SNX10: variants seen among roughly 807,000 people sequenced by gnomAD.
SNX10 encodes sorting nexin 10, also known as sorting nexin-10.
In SNX10, 25 loss-of-function variants were observed where a neutral mutation model predicts 28.5. That is an observed-to-expected ratio of 0.88 (90% CI 0.64 to 1.22). The LOEUF (loss-of-function observed/expected upper bound fraction) is 1.22, where lower values mean the gene tolerates loss of function less well. Ranked by LOEUF, SNX10 falls within the 50% of genes most tolerant of loss-of-function variation. The probability of loss-of-function intolerance (pLI) is 0.00; values close to 1 mark genes in which losing one functional copy is unlikely to be tolerated. For missense variants in SNX10, 223 were observed against 242.6 expected (o/e 0.92, Z 0.54); for synonymous variants, 62 against 81.4 (o/e 0.76, Z 1.28).
At chr7:26,317,616 A>G (rs1314664746) in intron 1 of SNX10, among the ~76,000 whole-genome samples, 5 of 151,748 alleles carry the variant, frequency 3.3e-5, no homozygotes, top group African/African-American at 4.8e-5. Flanking sequence ...GAAAAATGGA[A>G]GCCTGAATGA....
chr7:26,292,857 T>G (rs899792889), intron 1 of SNX10, among the ~76,000 whole-genome samples: 3 of 152,232 alleles, frequency 2.0e-5, no homozygotes, highest in African/African-American at 7.2e-5. Context: ...CGCTGAGTGT[T>G]GGGACCAGGA....
intron 1 of SNX10, among the ~76,000 whole-genome samples, chr7:26,327,726 CTTTTTTTTTT>C (rs70943293): frequency 3.4e-5 from 3 of 89,120 alleles, no homozygotes; most frequent in African/African-American, 8.6e-5. Context: ...GCATTCTTTT[CTTTTTTTTTT>C]TTTTTTTTTT....
At chr7:26,307,782 T>C (rs1469238884) in intron 1 of SNX10, among the ~76,000 whole-genome samples, 1 of 152,090 alleles carries the variant, frequency 6.6e-6, no homozygotes, top group Non-Finnish European at 1.5e-5. Flanking sequence ...ACCTCTCCCA[T>C]TATCAACATC....
chr7:26,344,671 G>A (rs936401640), intron 1 of SNX10, among the ~76,000 whole-genome samples: 1 of 152,156 alleles, frequency 6.6e-6, no homozygotes, highest in African/African-American at 2.4e-5. Context: ...TGAGCCTGCT[G>A]TGTACTCCAC....
chr7:26,345,324 T>C (rs1358858156), intron 1 of SNX10, among the ~76,000 whole-genome samples: 1 of 152,122 alleles, frequency 6.6e-6, no homozygotes, highest in Non-Finnish European at 1.5e-5. Flanking sequence ...CCAGGCTCTG[T>C]GGGTGTTGTT....
At chr7:26,372,129 T>C in intron 6 of SNX10, 96 bp downstream of exon 6, 1 of 798,044 alleles carries the variant, frequency 1.3e-6, no homozygotes, top group South Asian at 1.8e-5. Context: ...ACTTCACTTT[T>C]TTGTTGATAT....
In SNX10 at chr7:26,326,169, C is replaced by T. The variant is rs571271519; in HGVS notation, c.-23-20251C>T. 5.9e-5 allele frequency among the ~76,000 whole-genome samples: 9 copies of T among 152,144 alleles called. No individual in the cohort carries two copies. The East Asian group carries it at 7.7e-4, about 13-fold the overall frequency. On this transcript the variant is annotated intron_variant, in intron 1 of 6. Coordinates refer to ENST00000338523, the MANE Select transcript of SNX10 (RefSeq NM_013322.3). The stretch of plus-strand genomic sequence containing the variant: ...TTATGCCATTTCGTTAACGAGAAAA[C>T]GTCGAACAAATTAGTTCTTCCCTTG...
intron 1 of SNX10, among the ~76,000 whole-genome samples, chr7:26,303,171 A>G (rs1786444536): frequency 6.6e-6 from 1 of 152,238 alleles, no homozygotes; most frequent in Non-Finnish European, 1.5e-5. Flanking sequence ...TTTCAAGATT[A>G]CAGTATTCTT....
intron 1 of SNX10, among the ~76,000 whole-genome samples, chr7:26,298,394 G>A (rs1416275458): frequency 6.6e-6 from 1 of 152,214 alleles, no homozygotes; most frequent in Non-Finnish European, 1.5e-5. Context: ...AATCAGATAA[G>A]TGTGGATTAA....
At chr7:26,368,324 TATATTC>T (rs1562822692) in intron 5 of SNX10, among the ~76,000 whole-genome samples, 1 of 152,208 alleles carries the variant, frequency 6.6e-6, no homozygotes, top group African/African-American at 2.4e-5. Flanking sequence ...ATTTTTCAAA[TATATTC>T]ATTTTTCTTC....
chr7:26,374,067 T>G lies in SNX10; in HGVS notation c.*1495T>G, dbSNP rs923183044. 1.2e-4 allele frequency: 19 copies of G among 152,066 alleles called. No individual in the cohort carries two copies. Among genetic ancestry groups the G allele is most frequent in the African/African-American group, 4.6e-4 (19 of 41,450 alleles). 9.4% of individuals were successfully genotyped at this position (152,066 alleles called of 1,614,324 possible). A position where few individuals can be genotyped will look rare whatever the true frequency, so the allele number is the denominator to read the frequency against. On this transcript the variant is annotated 3_prime_UTR_variant, in exon 7 of 7. Transcript: ENST00000338523. ...ATTTTAATACAGGAAAAGAAAAGAT[T>G]TAGTAATTTCTTACCATGCTAATAT...
intron 1 of SNX10, among the ~76,000 whole-genome samples, chr7:26,319,924 T>C (rs1167537417): frequency 6.6e-6 from 1 of 151,682 alleles, no homozygotes; most frequent in African/African-American, 2.4e-5. Flanking sequence ...CTTTATTTTA[T>C]ATATCTATAT....
At chr7:26,363,970 A>G (rs936298040) in intron 3 of SNX10, among the ~76,000 whole-genome samples, 1 of 152,170 alleles carries the variant, frequency 6.6e-6, no homozygotes, top group African/African-American at 2.4e-5. Flanking sequence ...CCCACGTACC[A>G]CGGTCATTCT....
intron 5 of SNX10, among the ~76,000 whole-genome samples, chr7:26,371,067 G>A (rs1258307508): frequency 1.3e-5 from 2 of 151,834 alleles, no homozygotes; most frequent in African/African-American, 4.9e-5. Flanking sequence ...AATCTTCCAT[G>A]TAGTTCTGAT....
At chr7:26,320,553 C>G (rs746233150) in intron 1 of SNX10, among the ~76,000 whole-genome samples, 1 of 152,104 alleles carries the variant, frequency 6.6e-6, no homozygotes, top group Non-Finnish European at 1.5e-5. Context: ...CTGCCTCAGC[C>G]TCCCGAGTAG....
At chr7:26,319,641 C>T (rs1346335619) in intron 1 of SNX10, among the ~76,000 whole-genome samples, 2 of 152,110 alleles carry the variant, frequency 1.3e-5, no homozygotes, top group African/African-American at 2.4e-5. Context: ...GAGCTAAACC[C>T]AGGAAAAAAG....
chr7:26,341,803 G>A (rs775111271), intron 1 of SNX10, among the ~76,000 whole-genome samples: 1 of 151,782 alleles, frequency 6.6e-6, no homozygotes, highest in Non-Finnish European at 1.5e-5. Flanking sequence ...GCATTATTAT[G>A]ACAGACACAT....
Position 26,303,022 on chromosome 7 carries a change from A to C in SNX10, c.-24+10936A>C, listed in dbSNP as rs71554052. Among the ~76,000 whole-genome samples the C allele has an allele frequency of 5.7e-3, 866 of 152,322 alleles. 3 individuals carry two copies. The highest frequency in any genetic ancestry group is 8.8e-3 in the Non-Finnish European group (598 of 68,018). On this transcript the variant is annotated intron_variant, in intron 1 of 6. Coordinates refer to ENST00000338523, the MANE Select transcript of SNX10 (RefSeq NM_013322.3). ...ATGAGAGAGAGAATGAGAGGACCCT[A>C]AAGGAAGGGAGATCAGAGGTAACAC...
chr7:26,346,939 G>A (rs1010791924), intron 2 of SNX10, among the ~76,000 whole-genome samples: 6 of 152,160 alleles, frequency 3.9e-5, no homozygotes, highest in African/African-American at 7.2e-5. Context: ...CTCCATGCCC[G>A]CCCCCTGAGC....
Sources: gnomAD v4.1 joint callset for allele counts (sites outside exome capture counted in the v4.1 genomes callset) on GRCh38, gnomAD v4.1.1 for gene constraint, MANE v1.5 for transcripts, NCBI Gene and HGNC (gene_info 2026-07-23, HGNC 2026-07-21) for gene names.